Variants in FGGY observed in about 807,000 individuals in gnomAD.
The protein encoded by FGGY is FGGY carbohydrate kinase domain-containing protein.
Under a neutral mutation model 71.3 loss-of-function variants are expected in FGGY, and 72 were observed. The ratio of observed to expected loss-of-function variants is 1.01; its 90% CI spans 0.84 to 1.23. The LOEUF (loss-of-function observed/expected upper bound fraction) is 1.23, where lower values mean the gene tolerates loss of function less well. Ranked by LOEUF, FGGY falls within the 50% of genes most tolerant of loss-of-function variation. The pLI, the probability that FGGY is intolerant of heterozygous loss-of-function variation, is 0.00. For missense variants in FGGY, 668 were observed against 682.3 expected (o/e 0.98, Z 0.23); for synonymous variants, 251 against 250.3 (o/e 1.00, Z -0.02).
At chr1:59,419,437 G>C (rs1446275398) in intron 5 of FGGY, among the ~76,000 whole-genome samples, 1 of 152,130 alleles carries the variant, frequency 6.6e-6, no homozygotes, top group Non-Finnish European at 1.5e-5. Flanking sequence ...TGAGTAAAAA[G>C]CAGTATTGAT....
At chr1:59,553,369 G>A (rs932680490) in intron 7 of FGGY, among the ~76,000 whole-genome samples, 16 of 152,160 alleles carry the variant, frequency 1.1e-4, no homozygotes, top group African/African-American at 3.4e-4. Flanking sequence ...ACAATTCCAG[G>A]CCCTAAAGAG....
intron 10 of FGGY, among the ~76,000 whole-genome samples, chr1:59,633,001 CT>C (rs58061913): frequency 0.13 from 18,070 of 135,478 alleles, 625 homozygotes; most frequent in South Asian, 0.3. Flanking sequence ...TTATACATTT[CT>C]TTTTTTTTTT....
At chr1:59,452,254 G>T (rs1008294377) in intron 5 of FGGY, among the ~76,000 whole-genome samples, 1 of 152,002 alleles carries the variant, frequency 6.6e-6, no homozygotes, top group African/African-American at 2.4e-5. Context: ...GGGAGAGATG[G>T]TGAAATGAAT....
At chr1:59,323,156 T>C (rs983041317) in intron 2 of FGGY, among the ~76,000 whole-genome samples, 5 of 152,226 alleles carry the variant, frequency 3.3e-5, no homozygotes, top group Non-Finnish European at 5.9e-5. Flanking sequence ...TTCTACTCTT[T>C]GCACTTGGGC....
chr1:59,740,442 G>T (rs2098138254), intron 14 of FGGY, among the ~76,000 whole-genome samples: 1 of 152,186 alleles, frequency 6.6e-6, no homozygotes, highest in Admixed American at 6.5e-5. Flanking sequence ...TAGTGAGCTG[G>T]GGCTAGCTCA....
chr1:59,599,315 G>A (rs1161109850), intron 8 of FGGY, among the ~76,000 whole-genome samples: 1 of 149,930 alleles, frequency 6.7e-6, no homozygotes, highest in African/African-American at 2.5e-5. Flanking sequence ...TGTCAGCCAG[G>A]CTGGTCTCAG....
At chr1:59,338,956 C>G (rs1022722015) in intron 2 of FGGY, among the ~76,000 whole-genome samples, 16 of 152,106 alleles carry the variant, frequency 1.1e-4, no homozygotes, top group Non-Finnish European at 2.9e-5. Flanking sequence ...TTAAGCAACC[C>G]TACTCTGAAA....
intron 8 of FGGY, among the ~76,000 whole-genome samples, chr1:59,560,045 G>A (rs2095761308): frequency 6.6e-6 from 1 of 152,138 alleles, no homozygotes; most frequent in Non-Finnish European, 1.5e-5. Context: ...CGGGGGAAGA[G>A]TAATTTTACA....
chr1:59,342,868 G>GT (rs1161091909), intron 3 of FGGY, among the ~76,000 whole-genome samples: 1 of 152,150 alleles, frequency 6.6e-6, no homozygotes, highest in African/African-American at 2.4e-5. Context: ...AAGTACAATA[G>GT]TTTAAGAAAA....
rs776330111 is a variant in FGGY at position 59,660,208 on chromosome 1, C to T, written c.1222-11C>T. On this transcript the variant is annotated splice_polypyrimidine_tract_variant and intron_variant, in intron 11 of 15. Coordinates refer to ENST00000303721, the MANE Select transcript of FGGY (RefSeq NM_018291.5). ...GACCATCTTCTTCTTTTCTTCCCTT[C>T]ATGCCTGCAGGTCACCGGATTGAAA... 6 of 1,612,538 alleles carry T rather than the reference C, an allele frequency of 3.7e-6. No individual in the cohort carries two copies. The highest frequency in any genetic ancestry group is 2.2e-5 in the South Asian group (2 of 91,040).
At chr1:59,594,879 G>A (rs1022143777) in intron 8 of FGGY, among the ~76,000 whole-genome samples, 3 of 152,190 alleles carry the variant, frequency 2.0e-5, no homozygotes, top group Non-Finnish European at 4.4e-5. Context: ...GAGAGAGAAG[G>A]AAAGTGCACA....
intron 10 of FGGY, among the ~76,000 whole-genome samples, chr1:59,630,984 C>A (rs1361215152): frequency 6.6e-6 from 1 of 152,192 alleles, no homozygotes; most frequent in Admixed American, 6.5e-5. Flanking sequence ...TGAATTCTGT[C>A]ACCATCAGCC....
chr1:59,505,906 G>T (rs539651924), intron 6 of FGGY, among the ~76,000 whole-genome samples: 66 of 152,278 alleles, frequency 4.3e-4, no homozygotes, highest in African/African-American at 1.5e-3. Context: ...CGCCTGTGAA[G>T]AGGGACTGCA....
chr1:59,673,676 G>A (rs948782898), intron 13 of FGGY: 6 of 233,836 alleles, frequency 2.6e-5, no homozygotes, highest in South Asian at 5.8e-5. Flanking sequence ...GGCACAGTCC[G>A]ATTCATCTCA....
intron 8 of FGGY, among the ~76,000 whole-genome samples, chr1:59,565,657 G>A (rs2095862899): frequency 5.3e-5 from 8 of 152,202 alleles, no homozygotes; most frequent in Admixed American, 5.2e-4. Context: ...TAAGCAGAAT[G>A]ATGAGACACA....
intron 8 of FGGY, among the ~76,000 whole-genome samples, chr1:59,576,890 T>A (rs1178630412): frequency 6.6e-6 from 1 of 152,128 alleles, no homozygotes; most frequent in African/African-American, 2.4e-5. Context: ...ATTGTATCCT[T>A]ACTCTGAACT....
intron 15 of FGGY, among the ~76,000 whole-genome samples, chr1:59,758,989 G>A (rs2098318892): frequency 6.6e-6 from 1 of 152,164 alleles, no homozygotes; most frequent in Admixed American, 6.5e-5. Flanking sequence ...GCTCAGGGTA[G>A]AAATAGAGGG....
chr1:59,435,884 T>G (rs1421530639), intron 5 of FGGY, among the ~76,000 whole-genome samples: 3 of 151,874 alleles, frequency 2.0e-5, no homozygotes, highest in East Asian at 1.9e-4. Context: ...GTGGCCAGCA[T>G]GAAGGAGATA....
chr1:59,628,685 C>T (rs2096881392), intron 10 of FGGY, among the ~76,000 whole-genome samples: 1 of 152,050 alleles, frequency 6.6e-6, no homozygotes, highest in Non-Finnish European at 1.5e-5. Context: ...GCTGATAATG[C>T]TTAGTTGTCA....
Sources: allele counts gnomAD v4.1 joint callset (sites outside exome capture counted in the v4.1 genomes callset), GRCh38; gene constraint gnomAD v4.1.1; transcripts MANE v1.5; gene names NCBI Gene and HGNC (gene_info 2026-07-23, HGNC 2026-07-21).